TBC1D19: variants seen among roughly 807,000 people sequenced by gnomAD.
TBC1D19 encodes the protein TBC1 domain family member 19.
TBC1D19 carries 60 observed loss-of-function variants against 89.0 expected under a neutral mutation model. The ratio of observed to expected loss-of-function variants is 0.67; its 90% CI spans 0.55 to 0.84. The LOEUF (loss-of-function observed/expected upper bound fraction) is 0.84. Among genes scored for constraint, TBC1D19 ranks in the 40% least tolerant of loss-of-function variants. The pLI, the probability that TBC1D19 is intolerant of heterozygous loss-of-function variation, is 0.00. For synonymous variants in TBC1D19, 189 were observed against 199.7 expected (o/e 0.95, Z 0.45); for missense variants, 500 against 610.8 (o/e 0.82, Z 1.91).
chr4:26,821,844 G>A, the TBC1D19 span, among the ~76,000 whole-genome samples: 10 of 152,192 alleles, frequency 6.6e-5, no homozygotes, highest in Non-Finnish European at 1.2e-4. Flanking sequence ...GTGGCCAGGC[G>A]GACCACTTTT....
the TBC1D19 span, among the ~76,000 whole-genome samples, chr4:26,808,094 T>C: frequency 6.6e-6 from 1 of 152,204 alleles, no homozygotes; most frequent in African/African-American, 2.4e-5. Context: ...GCAAGAGACA[T>C]CGTCATGCCG....
chr4:26,619,443 G>A (rs1741901499), intron 3 of TBC1D19, among the ~76,000 whole-genome samples: 1 of 152,024 alleles, frequency 6.6e-6, no homozygotes, highest in Non-Finnish European at 1.5e-5. Context: ...CTGACCTCGT[G>A]ATCCACCCAC....
At chr4:26,627,991 G>C (rs1742542988) in intron 4 of TBC1D19, among the ~76,000 whole-genome samples, 1 of 152,118 alleles carries the variant, frequency 6.6e-6, no homozygotes, top group African/African-American at 2.4e-5. Context: ...TAATGCCTAG[G>C]TTTTCTTCTA....
chr4:26,760,347 G>T (rs1412675907), downstream of TBC1D19, among the ~76,000 whole-genome samples: 6 of 152,124 alleles, frequency 3.9e-5, no homozygotes, highest in Non-Finnish European at 8.8e-5. Context: ...AAGATGGCTT[G>T]AGCCCAGGAG....
intron 1 of TBC1D19, among the ~76,000 whole-genome samples, chr4:26,605,460 A>C (rs1740932237): frequency 6.6e-6 from 1 of 151,798 alleles, no homozygotes; most frequent in Non-Finnish European, 1.5e-5. Context: ...CCATTGTTGG[A>C]CATTTGGGTT....
intron 1 of TBC1D19, among the ~76,000 whole-genome samples, chr4:26,594,159 C>T (rs1356328509): frequency 5.3e-5 from 8 of 152,048 alleles, no homozygotes; most frequent in Non-Finnish European, 1.0e-4. Flanking sequence ...ACTATGCAGC[C>T]ATAAAAAATG....
chr4:26,579,695 T>C (rs1253549802), upstream of TBC1D19, among the ~76,000 whole-genome samples: 2 of 151,466 alleles, frequency 1.3e-5, no homozygotes, highest in Non-Finnish European at 2.9e-5. Flanking sequence ...GTGTGTGTTG[T>C]TCCCCTAGCT....
intron 19 of TBC1D19, among the ~76,000 whole-genome samples, chr4:26,751,928 C>G (rs1487784683): frequency 6.6e-6 from 1 of 152,144 alleles, no homozygotes; most frequent in Admixed American, 6.6e-5. Flanking sequence ...ATTTTCATGT[C>G]AGAGATGAGT....
In TBC1D19 at chr4:26,649,552, A is replaced by G. The variant is rs539145003; in HGVS notation, c.480+9365A>G. Among the ~76,000 whole-genome samples the G allele has an allele frequency of 3.3e-5, 5 of 152,186 alleles. No homozygotes were observed. The East Asian group carries it at 7.7e-4, about 23-fold the overall frequency. On this transcript the variant is annotated intron_variant, in intron 7 of 20. Coordinates refer to ENST00000264866, the MANE Select transcript of TBC1D19 (RefSeq NM_018317.4). The stretch of plus-strand genomic sequence containing the variant: ...CCCATGCAGCCCTAGGCAACCACTA[A>G]TCTACTTTTTGTCTCTATGAATTTG...
chr4:26,597,307 G>A (rs954529631), intron 1 of TBC1D19, among the ~76,000 whole-genome samples: 3 of 152,006 alleles, frequency 2.0e-5, no homozygotes, highest in Non-Finnish European at 2.9e-5. Context: ...CCTCTTAATC[G>A]TTCTGAAGTA....
the TBC1D19 span, among the ~76,000 whole-genome samples, chr4:26,824,613 A>G: frequency 6.6e-6 from 1 of 151,904 alleles, no homozygotes; most frequent in Non-Finnish European, 1.5e-5. Context: ...TAGTTTCCAC[A>G]TTATATTACT....
chr4:26,754,827 T>G (rs376619417), intron 20 of TBC1D19, 46 bp from the exon 21 acceptor site: 1 of 1,461,658 alleles, frequency 6.8e-7, no homozygotes, highest in South Asian at 1.2e-5. Flanking sequence ...CCTTATTTCA[T>G]AGACTTCGCT....
At chr4:26,713,981 A>G (rs546776881) in intron 13 of TBC1D19, among the ~76,000 whole-genome samples, 1 of 152,242 alleles carries the variant, frequency 6.6e-6, no homozygotes, top group South Asian at 2.1e-4. Flanking sequence ...GAATGTTCAT[A>G]TATTGGGGAG....
chr4:26,631,341 C>T (rs1251266762), intron 4 of TBC1D19, among the ~76,000 whole-genome samples: 1 of 151,868 alleles, frequency 6.6e-6, no homozygotes, highest in East Asian at 1.9e-4. Flanking sequence ...TATCTCTGTC[C>T]CATATTATTT....
intron 10 of TBC1D19, among the ~76,000 whole-genome samples, chr4:26,673,446 T>TATATATACACACACACACACACACACAC (rs373807642): frequency 1.1e-5 from 1 of 90,882 alleles, no homozygotes; most frequent in African/African-American, 4.3e-5. Context: ...TATATATATA[T>TATATATACACACACACACACACACACAC]ACACACACAC....
chr4:26,656,429 C>T (rs1383580939), intron 7 of TBC1D19, among the ~76,000 whole-genome samples: 1 of 152,054 alleles, frequency 6.6e-6, no homozygotes, highest in African/African-American at 2.4e-5. Context: ...GTAAGCTGTA[C>T]TTCACTAACA....
intron 7 of TBC1D19, among the ~76,000 whole-genome samples, chr4:26,654,403 G>T (rs549381367): frequency 1.1e-4 from 16 of 152,220 alleles, no homozygotes; most frequent in Admixed American, 3.3e-4. Flanking sequence ...TGTATTTCCT[G>T]CATTTGAATG....
chr4:26,793,764 CT>C, the TBC1D19 span, among the ~76,000 whole-genome samples: 1 of 151,216 alleles, frequency 6.6e-6, no homozygotes, highest in Non-Finnish European at 1.5e-5. Flanking sequence ...ATCTCTTTCT[CT>C]CCTGTTCTAT....
At chr4:26,621,987 G>C (rs965647166) in intron 4 of TBC1D19, among the ~76,000 whole-genome samples, 1 of 151,694 alleles carries the variant, frequency 6.6e-6, no homozygotes, top group Non-Finnish European at 1.5e-5. Flanking sequence ...GCAAACTATT[G>C]CAAGGACAAA....
Sources: gnomAD v4.1 joint callset for allele counts (sites outside exome capture counted in the v4.1 genomes callset) on GRCh38, gnomAD v4.1.1 for gene constraint, MANE v1.5 for transcripts, NCBI Gene and HGNC (gene_info 2026-07-23, HGNC 2026-07-21) for gene names.